Variants in PCDHA4 observed in about 807,000 individuals in gnomAD.
PCDHA4 encodes protocadherin alpha 4.
A neutral mutation model predicts 61.4 loss-of-function variants in PCDHA4; 49 were observed. The ratio of observed to expected loss-of-function variants is 0.80; its 90% CI spans 0.63 to 1.01. The LOEUF is 1.01. PCDHA4 is among the 50% of genes least tolerant of loss of function. The pLI, the probability that PCDHA4 is intolerant of heterozygous loss-of-function variation, is 0.00. For missense variants in PCDHA4, 1,254 were observed against 1,235.8 expected (o/e 1.01, Z -0.22); for synonymous variants, 590 against 550.3 (o/e 1.07, Z -1.01).
At position 140,807,991 on chromosome 5, in the gene PCDHA4, T is replaced by C. The variant is rs782125589; in HGVS notation, c.804T>C (p.Asp268=). 1 of 1,613,604 alleles carries C rather than the reference T, an allele frequency of 6.2e-7. No individual in the cohort carries two copies. The highest frequency in any genetic ancestry group is 1.7e-5 in the Admixed American group (1 of 60,028). The part of the protein sequence containing the change: ...GTLVIKLNAS[D]LDEGLNGDIV... Reference sequence around the variant, plus strand: ...TGGTAATTAAACTTAACGCCTCAGATTTAGACGAAGGATTGAATGGGGACA... The same window carrying C: ...TGGTAATTAAACTTAACGCCTCAGACTTAGACGAAGGATTGAATGGGGACA... The change falls in exon 1 of 4, where the codon GAT becomes GAC. Residue 268 remains aspartate (D), a synonymous_variant. Coordinates refer to ENST00000530339, the MANE Select transcript of PCDHA4 (RefSeq NM_018907.4).
At position 140,809,572 on chromosome 5, in the gene PCDHA4, G is replaced by T; in HGVS notation, c.2385G>T (p.Lys795Asn). The change falls in exon 1 of 4, where the codon AAG (lysine) becomes AAT (asparagine). Residue 795 changes from lysine to asparagine, a missense_variant and splice_region_variant. Lys to Asn is a moderately conservative substitution (Grantham distance 94). Transcript: ENST00000530339. ...AGACAACTGAGGAATCCTTTGCAAA[G>T]GTTAGTGTATAACATCCTTTTGTTT... Reference protein sequence around the residue: ...QLQTTEESFAKPRQPNPDWRY... With the variant: ...QLQTTEESFANPRQPNPDWRY... 1 of 1,597,278 alleles carries T rather than the reference G, an allele frequency of 6.3e-7. No individual in the cohort carries two copies. The highest frequency in any genetic ancestry group is 8.5e-7 in the Non-Finnish European group (1 of 1,171,026).
At chr5:140,844,751 T>G (rs1554140718) in intron 1 of PCDHA4, among the ~76,000 whole-genome samples, 1 of 149,538 alleles carries the variant, frequency 6.7e-6, no homozygotes. Flanking sequence ...ATGGGATAAA[T>G]CTTTGAAAAA....
At chr5:140,986,940 G>A (rs1371744170) in intron 3 of PCDHA4, among the ~76,000 whole-genome samples, 1 of 152,280 alleles carries the variant, frequency 6.6e-6, no homozygotes, top group South Asian at 2.1e-4. Flanking sequence ...GAGGCTGGGT[G>A]TGGTCGCTCA....
chr5:140,884,358 A>G lies in PCDHA4; in HGVS notation c.2385+74786A>G, dbSNP rs546242835. On this transcript the variant is annotated intron_variant, in intron 1 of 3. Coordinates refer to ENST00000530339, the MANE Select transcript of PCDHA4 (RefSeq NM_018907.4). Reference sequence around the variant, plus strand: ...CCAGAAGCGGCGCTGGTGGATGTCAATGTTTACTTGATCATTGCCATCTGC... The same window carrying G: ...CCAGAAGCGGCGCTGGTGGATGTCAGTGTTTACTTGATCATTGCCATCTGC... The G allele has an allele frequency of 7.8e-5, 126 of 1,613,886 alleles. 3 individuals carry two copies. The South Asian group carries it at 1.1e-3, about 14-fold the overall frequency.
Position 141,009,922 on chromosome 5 carries a change from C to G in PCDHA4, c.2829C>G (p.Asp943Glu), listed in dbSNP as rs1554262572. 6.2e-7 allele frequency: 1 copy of G among 1,608,774 alleles called. No individual in the cohort carries two copies. Among genetic ancestry groups the G allele is most frequent in the South Asian group, 1.1e-5 (1 of 90,050 alleles). The change falls in exon 4 of 4, where the codon GAC becomes GAG. Residue 943 changes from aspartate to glutamate, a missense_variant. Coordinates refer to ENST00000530339, the MANE Select transcript of PCDHA4 (RefSeq NM_018907.4). ...AAGAGAAAGGGAACAGCACGACTGACAACAGTGACCAGTGAGGTCCTCAAA... is the reference window on the plus strand; with the variant it reads ...AAGAGAAAGGGAACAGCACGACTGAGAACAGTGACCAGTGAGGTCCTCAAA... ...EKKEKGNSTT[D>E]NSDQ
chr5:140,824,518 C>T (rs1191370190), intron 1 of PCDHA4: 1 of 218,004 alleles, frequency 4.6e-6, no homozygotes, highest in Non-Finnish European at 9.0e-6. Flanking sequence ...GTGATCTGAT[C>T]ATAGCTCACC....
intron 1 of PCDHA4, among the ~76,000 whole-genome samples, chr5:140,944,929 CT>C (rs2093712661): frequency 6.6e-6 from 1 of 152,052 alleles, no homozygotes; most frequent in Admixed American, 6.6e-5. Context: ...TGGTTTATGC[CT>C]TCTTTAGATG....
intron 1 of PCDHA4, chr5:140,856,728 T>C: frequency 6.3e-7 from 1 of 1,595,848 alleles, no homozygotes. Context: ...TCTGTTTCTC[T>C]GCTGATCCTG....
intron 1 of PCDHA4, among the ~76,000 whole-genome samples, chr5:140,915,164 G>T (rs782783727): frequency 2.6e-5 from 4 of 152,026 alleles, no homozygotes; most frequent in Non-Finnish European, 4.4e-5. Flanking sequence ...GGCCAGGATA[G>T]TCTCGATCTC....
chr5:140,871,290 C>A (rs1554165387), intron 1 of PCDHA4: 2 of 1,613,900 alleles, frequency 1.2e-6, no homozygotes, highest in Non-Finnish European at 1.7e-6. Context: ...CCACTGAGGG[C>A]GCGTGCGCGC....
At chr5:140,879,396 T>C (rs2057974571) in intron 1 of PCDHA4, among the ~76,000 whole-genome samples, 1 of 152,174 alleles carries the variant, frequency 6.6e-6, no homozygotes, top group Non-Finnish European at 1.5e-5. Context: ...AAACAGTTTG[T>C]GTGTATTTGA....
chr5:140,828,197 C>A, intron 1 of PCDHA4: 1 of 1,614,076 alleles, frequency 6.2e-7, no homozygotes, highest in Non-Finnish European at 8.5e-7. Context: ...CTACTCCGTA[C>A]CCGAGGAGGC....
chr5:140,866,445 T>G (rs2049364254), intron 1 of PCDHA4: 1 of 152,140 alleles, frequency 6.6e-6, no homozygotes, highest in South Asian at 2.1e-4. Flanking sequence ...TCTTCAGTCT[T>G]ATTGTTGGCT....
intron 1 of PCDHA4, among the ~76,000 whole-genome samples, chr5:140,924,534 C>G (rs1488047727): frequency 1.3e-5 from 2 of 152,134 alleles, no homozygotes; most frequent in African/African-American, 2.4e-5. Context: ...AATGCCCGAG[C>G]TACCCCTCTC....
At chr5:140,829,332 A>G in intron 1 of PCDHA4, 1 of 1,614,236 alleles carries the variant, frequency 6.2e-7, no homozygotes, top group Non-Finnish European at 8.5e-7. Context: ...AGTGCCCTGG[A>G]CCGCGAGAGC....
chr5:140,858,118 C>T (rs267600398), intron 1 of PCDHA4: 1 of 1,597,724 alleles, frequency 6.3e-7, no homozygotes, highest in East Asian at 2.2e-5. Flanking sequence ...CCGAGGTGGC[C>T]CTGGTGGATG....
At chr5:140,851,276 T>C in intron 1 of PCDHA4, 3 of 1,056,768 alleles carry the variant, frequency 2.8e-6, no homozygotes, top group Non-Finnish European at 3.5e-6. Context: ...TTGTATTGTT[T>C]ATAAGAAACC....
chr5:140,843,527 A>G (rs1554140180), intron 1 of PCDHA4: 2 of 1,595,944 alleles, frequency 1.3e-6, no homozygotes, highest in East Asian at 4.5e-5. Context: ...CCGGGCGGGC[A>G]AGCCCACTCT....
At chr5:140,882,376 C>G in intron 1 of PCDHA4, 1 of 1,614,190 alleles carries the variant, frequency 6.2e-7, no homozygotes, top group South Asian at 1.1e-5. Context: ...ACTCCGTCCC[C>G]GAGGAAGCAA....
Sources: allele counts gnomAD v4.1 joint callset (sites outside exome capture counted in the v4.1 genomes callset), GRCh38; gene constraint gnomAD v4.1.1; transcripts MANE v1.5; gene names NCBI Gene and HGNC (gene_info 2026-07-23, HGNC 2026-07-21).